Variants in BDP1 observed in about 807,000 individuals in gnomAD.
The protein encoded by BDP1 is BDP1 general transcription factor IIIB subunit.
Under a neutral mutation model 266.6 loss-of-function variants are expected in BDP1, and 169 were observed. The observed-to-expected ratio is 0.63, with a 90% confidence interval of 0.56 to 0.72. The LOEUF (loss-of-function observed/expected upper bound fraction) is 0.72. Ranked by LOEUF, BDP1 falls within the 30% of genes least tolerant of loss-of-function variation. The pLI, the probability that BDP1 is intolerant of heterozygous loss-of-function variation, is 0.00. For missense variants in BDP1, 3,015 were observed against 3,053.8 expected (o/e 0.99, Z 0.30); for synonymous variants, 1,090 against 1,022.4 (o/e 1.07, Z -1.26).
At chr5:71,554,009 T>C (rs2112004120) in intron 35 of BDP1, among the ~76,000 whole-genome samples, 1 of 152,370 alleles carries the variant, frequency 6.6e-6, no homozygotes, top group East Asian at 1.9e-4. Context: ...GTAGGTTTCC[T>C]AGTACCCTCT....
chr5:71,510,566 T>C lies in BDP1; in HGVS notation c.3474T>C (p.Asn1158=), dbSNP rs771152629. The C allele has an allele frequency of 6.2e-7, 1 of 1,613,742 alleles. No homozygotes were observed. The highest frequency in any genetic ancestry group is 8.5e-7 in the Non-Finnish European group (1 of 1,179,996). Residue 1158 remains asparagine (N), a synonymous_variant, in exon 17 of 39, where the codon AAT becomes AAC. Transcript: ENST00000358731. The part of the protein sequence containing the change: ...TGRREISPEE[N]GPEEVKPVDE... The stretch of plus-strand genomic sequence containing the variant: ...GAAGAGAAATATCCCCAGAGGAAAA[T>C]GGCCCAGAGGAGGTCAAGCCTGTAG...
In BDP1 at chr5:71,455,852, G is replaced by A. The variant is rs1279215585; in HGVS notation, c.-26G>A. 2 of 1,544,450 alleles carry A rather than the reference G, an allele frequency of 1.3e-6. No individual in the cohort carries two copies. Among genetic ancestry groups the A allele is most frequent in the Non-Finnish European group, 1.7e-6 (2 of 1,143,712 alleles). ...CGGGGCTGTGAGCGGCCGTGAGGCTGCCTCCCCGGGCCCCCTGCCTCCGCC... is the reference window on the plus strand; with the variant it reads ...CGGGGCTGTGAGCGGCCGTGAGGCTACCTCCCCGGGCCCCCTGCCTCCGCC... On this transcript the variant is annotated 5_prime_UTR_variant, in exon 1 of 39. Coordinates refer to ENST00000358731, the MANE Select transcript of BDP1 (RefSeq NM_018429.3).
chr5:71,568,874 G>A (rs113546235), downstream of BDP1, among the ~76,000 whole-genome samples: 1 of 152,202 alleles, frequency 6.6e-6, no homozygotes, highest in Non-Finnish European at 1.5e-5. Flanking sequence ...AGAAAATGAG[G>A]GTATTCATAT....
In BDP1 at chr5:71,455,995, G is replaced by A; in HGVS notation, c.118G>A (p.Ala40Thr). 6.2e-7 allele frequency: 1 copy of A among 1,613,588 alleles called. No homozygotes were observed. The highest frequency in any genetic ancestry group is 8.5e-7 in the Non-Finnish European group (1 of 1,180,002). Residue 40 changes from alanine (A) to threonine (T), a missense_variant, in exon 1 of 39, where the codon GCC (alanine) becomes ACC (threonine). By Grantham distance (58) the Ala-to-Thr change is moderately conservative (BLOSUM62 0). Coordinates refer to ENST00000358731, the MANE Select transcript of BDP1 (RefSeq NM_018429.3). ...GRESPRPPDP[A>T]TDSASKPAEP... ...GGAGTCTCCCAGGCCGCCGGATCCT[G>A]CCACGGACTCTGCTTCCAAGCCCGC...
chr5:71,506,254 T>C (rs1764569288), intron 16 of BDP1, among the ~76,000 whole-genome samples: 2 of 152,206 alleles, frequency 1.3e-5, no homozygotes, highest in Admixed American at 6.5e-5. Context: ...CAATCTGATC[T>C]CAACAACTTT....
In BDP1 at chr5:71,491,715, G is replaced by C. The variant is rs180757902; in HGVS notation, c.1640+584G>C. ...GCAATCATGATTCTTTCTTTGTTTT[G>C]TTTTGTTTTGTTTTGTTTTTGAGAT... On this transcript the variant is annotated intron_variant, in intron 11 of 38. Coordinates refer to ENST00000358731, the MANE Select transcript of BDP1 (RefSeq NM_018429.3). Among the ~76,000 whole-genome samples the C allele has an allele frequency of 6.6e-5, 10 of 151,698 alleles. No individual in the cohort carries two copies. In the South Asian group the frequency reaches 1.0e-3, roughly 16 times the overall value.
intron 7 of BDP1, among the ~76,000 whole-genome samples, chr5:71,482,814 A>G (rs927432949): frequency 1.3e-5 from 2 of 152,212 alleles, no homozygotes; most frequent in African/African-American, 4.8e-5. Flanking sequence ...TTAAGGCAGA[A>G]ATAAGATTAT....
chr5:71,568,973 AT>A (rs888126437), downstream of BDP1, among the ~76,000 whole-genome samples: 4 of 152,104 alleles, frequency 2.6e-5, no homozygotes, highest in African/African-American at 4.8e-5. Flanking sequence ...AAAATGTTGC[AT>A]TTTTTTCATG....
chr5:71,523,847 CTG>C, intron 24 of BDP1, 90 bp from the exon 25 acceptor site: 3 of 1,273,456 alleles, frequency 2.4e-6, no homozygotes. Context: ...ATTTTAATGA[CTG>C]GAACTGGAAT....
Position 71,553,174 on chromosome 5 carries a change from A to G in BDP1, c.7054A>G (p.Arg2352Gly). The G allele has an allele frequency of 1.2e-6, 2 of 1,613,202 alleles. No individual in the cohort carries two copies. The highest frequency in any genetic ancestry group is 1.7e-6 in the Non-Finnish European group (2 of 1,179,826). ...TGCCATGGGTTTATCTATTTCTGGA[A>G]GAGATAATTCTAAAAAGCCGCCTGA... ...QDAMGLSISG[R>G]DNSKKPPDNL... The change falls in exon 35 of 39, where the codon AGA (arginine) becomes GGA (glycine). Residue 2352 changes from arginine (R) to glycine (G), a missense_variant. Physicochemically the swap from Arg to Gly is moderately radical, Grantham distance 125. Transcript: ENST00000358731.
At chr5:71,545,315 T>G in intron 32 of BDP1, 96 bp downstream of exon 32, 2 of 1,118,904 alleles carry the variant, frequency 1.8e-6, no homozygotes, top group Non-Finnish European at 2.6e-6. Flanking sequence ...TTCACCTCTT[T>G]TATCTTCATT....
At chr5:71,507,199 G>T (rs888990280) in intron 16 of BDP1, among the ~76,000 whole-genome samples, 3 of 152,122 alleles carry the variant, frequency 2.0e-5, no homozygotes, top group Non-Finnish European at 2.9e-5. Context: ...TTATAGTTTT[G>T]TGCTCATTCC....
intron 11 of BDP1, among the ~76,000 whole-genome samples, chr5:71,491,675 G>A (rs147536780): frequency 9.4e-4 from 143 of 151,648 alleles, no homozygotes; most frequent in African/African-American, 3.3e-3. Flanking sequence ...TATTTCCTCC[G>A]CCTCCCAGCC....
In BDP1 at chr5:71,544,489, A is replaced by T. The variant is rs1474961552; in HGVS notation, c.6545A>T (p.Glu2182Val). ...HGIKGTSISS[E>V]VNLTERNENQ... The stretch of plus-strand genomic sequence containing the variant: ...ATCAAAGGGACCAGTATTTCTTCAG[A>T]AGTAAACCTAACTGAAAGGTAAAAG... The change falls in exon 31 of 39, where the codon GAA (glutamate) becomes GTA (valine). Residue 2182 changes from glutamate to valine, a missense_variant. Glu to Val is a moderately radical substitution (Grantham distance 121). Transcript: ENST00000358731. 6.2e-7 allele frequency: 1 copy of T among 1,611,780 alleles called. No individual in the cohort carries two copies. The highest frequency in any genetic ancestry group is 1.1e-5 in the South Asian group (1 of 90,252).
chr5:71,541,739 T>C, intron 29 of BDP1, 57 bp downstream of exon 29: 1 of 1,049,196 alleles, frequency 9.5e-7, no homozygotes. Flanking sequence ...AATTAGTTAA[T>C]AGCTTTGAGT....
chr5:71,554,381 TC>T (rs2112008853), intron 35 of BDP1, among the ~76,000 whole-genome samples: 1 of 152,332 alleles, frequency 6.6e-6, no homozygotes, highest in African/African-American at 2.4e-5. Flanking sequence ...AAATCTTTTT[TC>T]CCAGTTTGTC....
intron 35 of BDP1, among the ~76,000 whole-genome samples, chr5:71,555,622 A>G (rs548762512): frequency 6.6e-6 from 1 of 152,096 alleles, no homozygotes; most frequent in South Asian, 2.1e-4. Flanking sequence ...TAATTTTAGT[A>G]GAGACGGGGT....
intron 36 of BDP1, among the ~76,000 whole-genome samples, chr5:71,557,381 T>TG (rs1207890717): frequency 3.4e-5 from 2 of 58,204 alleles, no homozygotes. Context: ...GCTAATTTTT[T>TG]TTTTTTTTTT....
In BDP1 at chr5:71,565,540, A is replaced by G. The variant is rs1743977819; in HGVS notation, c.*655A>G. On this transcript the variant is annotated 3_prime_UTR_variant, in exon 39 of 39. Coordinates refer to ENST00000358731, the MANE Select transcript of BDP1 (RefSeq NM_018429.3). ...CTATTGTGTTACAACTGCCTACAGT[A>G]TTCAGCATAGTAACACATTGTAGAG... is the stretch of plus-strand genomic sequence containing the variant. 2 of 152,556 alleles carry G rather than the reference A, an allele frequency of 1.3e-5. No homozygotes were observed. The highest frequency in any genetic ancestry group is 4.8e-5 in the African/African-American group (2 of 41,454). 9.5% of individuals were successfully genotyped at this position (152,556 alleles called of 1,614,324 possible). A position where few individuals can be genotyped will look rare whatever the true frequency, so the allele number is the denominator to read the frequency against.
Sources: allele counts gnomAD v4.1 joint callset (sites outside exome capture counted in the v4.1 genomes callset), GRCh38; gene constraint gnomAD v4.1.1; transcripts MANE v1.5; gene names NCBI Gene and HGNC (gene_info 2026-07-23, HGNC 2026-07-21).